Variants in IL1RAPL1 observed in about 807,000 individuals in gnomAD.
IL1RAPL1 encodes interleukin-1 receptor accessory protein-like 1.
IL1RAPL1 carries 3 observed loss-of-function variants against 48.4 expected under a neutral mutation model. That is an observed-to-expected ratio of 0.06 (90% CI 0.03 to 0.16). The LOEUF is 0.16. Ranked by LOEUF, IL1RAPL1 falls within the 10% of genes least tolerant of loss-of-function variation. The pLI is 1.00. For synonymous variants in IL1RAPL1, 185 were observed against 187.7 expected, an observed-to-expected ratio of 0.99 and a Z score of 0.12; for missense variants, 349 against 530.6, an observed-to-expected ratio of 0.66 and a Z score of 3.36.
At chrX:28,978,265 G>A (rs1179928426) in intron 2 of IL1RAPL1, among the ~76,000 whole-genome samples, 1 of 111,392 alleles carries the variant, frequency 9.0e-6, no homozygotes, top group Non-Finnish European at 1.9e-5. Flanking sequence ...GTGATCCACA[G>A]TGTTGGTCAC....
At chrX:28,674,254 A>T (rs185053668) in intron 1 of IL1RAPL1, among the ~76,000 whole-genome samples, 13 of 106,894 alleles carry the variant, frequency 1.2e-4, no homozygotes, top group South Asian at 4.0e-4. Flanking sequence ...AGTAAGATTT[A>T]AAAAAAAAAC....
At chrX:29,493,306 A>C (rs1164834790) in intron 5 of IL1RAPL1, among the ~76,000 whole-genome samples, 1 of 112,280 alleles carries the variant, frequency 8.9e-6, no homozygotes, top group African/African-American at 3.2e-5. Flanking sequence ...GGGATACCAC[A>C]GATACAGATT....
At chrX:28,964,041 A>G (rs913205393) in intron 2 of IL1RAPL1, among the ~76,000 whole-genome samples, 3 of 111,621 alleles carry the variant, frequency 2.7e-5, no homozygotes, top group African/African-American at 9.8e-5. Context: ...TATCTAGGAA[A>G]TTGTTTATGA....
chrX:29,261,754 T>C lies in IL1RAPL1; in HGVS notation c.83-21184T>C, dbSNP rs1231017536. 1.3e-4 allele frequency among the ~76,000 whole-genome samples: 15 copies of C among 111,121 alleles called. No individual in the cohort carries two copies. The Admixed American group carries it at 1.5e-3, about 11-fold the overall frequency. On this transcript the variant is annotated intron_variant, in intron 2 of 10. Transcript: ENST00000378993. Reference sequence around the variant, plus strand: ...TGGAATGTTCTTCTCGCACTTGCCATGTCTGGTTTCTTTTTGTTCTTCAGG... The same window carrying C: ...TGGAATGTTCTTCTCGCACTTGCCACGTCTGGTTTCTTTTTGTTCTTCAGG...
intron 6 of IL1RAPL1, among the ~76,000 whole-genome samples, chrX:29,882,034 G>T (rs1932043322): frequency 8.9e-6 from 1 of 111,832 alleles, no homozygotes; most frequent in African/African-American, 3.2e-5. Context: ...GTGTGTATGT[G>T]TGTGTGTATA....
At chrX:29,648,163 A>G (rs1050455400) in intron 5 of IL1RAPL1, among the ~76,000 whole-genome samples, 1 of 111,846 alleles carries the variant, frequency 8.9e-6, no homozygotes, top group Non-Finnish European at 1.9e-5. Flanking sequence ...ATAGTAATAG[A>G]TCTGAAAGGA....
Position 29,528,093 on chromosome X carries a change from G to A in IL1RAPL1, c.703+128785G>A, listed in dbSNP as rs894004213. Among the ~76,000 whole-genome samples, 3 of 112,225 alleles carry A rather than the reference G, an allele frequency of 2.7e-5. No individual in the cohort carries two copies. In the Admixed American group the frequency reaches 2.8e-4, roughly 11 times the overall value. On this transcript the variant is annotated intron_variant, in intron 5 of 10. Coordinates refer to ENST00000378993, the MANE Select transcript of IL1RAPL1 (RefSeq NM_014271.4). ...TCTGAAACAAATGGAGGGGGAAATAGAAATATCTAATAAAATTACATATGC... is the reference window on the plus strand; with the variant it reads ...TCTGAAACAAATGGAGGGGGAAATAAAAATATCTAATAAAATTACATATGC...
At chrX:29,883,940 GTCTT>G (rs1343787860) in intron 6 of IL1RAPL1, among the ~76,000 whole-genome samples, 5 of 111,997 alleles carry the variant, frequency 4.5e-5, no homozygotes, top group African/African-American at 1.3e-4. Flanking sequence ...AGATTGTTCT[GTCTT>G]TATTTAAATA....
intron 5 of IL1RAPL1, among the ~76,000 whole-genome samples, chrX:29,437,687 G>A (rs921857493): frequency 1.8e-5 from 2 of 110,480 alleles, no homozygotes; most frequent in Non-Finnish European, 3.8e-5. Context: ...TAATAATCAT[G>A]TGATTTTTCT....
intron 6 of IL1RAPL1, among the ~76,000 whole-genome samples, chrX:29,861,616 G>A (rs1225993445): frequency 9.0e-6 from 1 of 110,589 alleles, no homozygotes; most frequent in Non-Finnish European, 1.9e-5. Context: ...TAGGTGACGG[G>A]TGCATCAAAA....
chrX:28,918,622 T>A (rs187929766), intron 2 of IL1RAPL1, among the ~76,000 whole-genome samples: 1 of 112,366 alleles, frequency 8.9e-6, no homozygotes, highest in South Asian at 3.7e-4. Flanking sequence ...CAGGATGTCA[T>A]GCAAGTGAAA....
intron 1 of IL1RAPL1, among the ~76,000 whole-genome samples, chrX:28,597,705 T>A (rs1213354045): frequency 9.0e-6 from 1 of 111,205 alleles, no homozygotes; most frequent in Non-Finnish European, 1.9e-5. Flanking sequence ...CACTTAAGCC[T>A]GGGCAACAAG....
intron 2 of IL1RAPL1, among the ~76,000 whole-genome samples, chrX:28,868,797 C>T (rs1268802955): frequency 8.9e-6 from 1 of 112,450 alleles, no homozygotes; most frequent in Non-Finnish European, 1.9e-5. Context: ...CATTGACTAA[C>T]TTCACCACAA....
intron 6 of IL1RAPL1, among the ~76,000 whole-genome samples, chrX:29,868,581 A>G (rs1162374557): frequency 8.9e-6 from 1 of 111,895 alleles, no homozygotes; most frequent in Non-Finnish European, 1.9e-5. Context: ...TGAATCACGA[A>G]CTCAACGAAT....
intron 5 of IL1RAPL1, among the ~76,000 whole-genome samples, chrX:29,549,070 A>G (rs1183773944): frequency 1.8e-5 from 2 of 112,084 alleles, no homozygotes; most frequent in Admixed American, 9.4e-5. Context: ...TTATTTATGT[A>G]TAGGTTTTTC....
At chrX:29,694,424 C>G (rs1303302148) in intron 6 of IL1RAPL1, among the ~76,000 whole-genome samples, 1 of 111,776 alleles carries the variant, frequency 8.9e-6, no homozygotes, top group Non-Finnish European at 1.9e-5. Context: ...GATAGCAGGT[C>G]ATTCCAGCCA....
chrX:28,919,214 A>G (rs891666669), intron 2 of IL1RAPL1, among the ~76,000 whole-genome samples: 12 of 111,833 alleles, frequency 1.1e-4, no homozygotes, highest in African/African-American at 3.6e-4. Context: ...TCAAGCATAC[A>G]GTGTTTCAAC....
At chrX:29,671,338 T>C (rs902088925) in intron 6 of IL1RAPL1, among the ~76,000 whole-genome samples, 1 of 111,753 alleles carries the variant, frequency 8.9e-6, no homozygotes, top group Non-Finnish European at 1.9e-5. Flanking sequence ...TTGATAGTGG[T>C]CATTTAAATT....
chrX:28,933,202 T>C (rs751444493), intron 2 of IL1RAPL1, among the ~76,000 whole-genome samples: 8 of 111,747 alleles, frequency 7.2e-5, no homozygotes, highest in Non-Finnish European at 1.5e-4. Context: ...GATTTATACA[T>C]TTTAATTTTC....
Sources: gnomAD v4.1 joint callset for allele counts (sites outside exome capture counted in the v4.1 genomes callset) on GRCh38, gnomAD v4.1.1 for gene constraint, MANE v1.5 for transcripts, NCBI Gene and HGNC (gene_info 2026-07-23, HGNC 2026-07-21) for gene names.